Variants in HPD observed in about 807,000 individuals in gnomAD.
HPD encodes the protein 4-hydroxyphenylpyruvate dioxygenase.
In HPD, 35 loss-of-function variants were observed where a neutral mutation model predicts 56.9. The ratio of observed to expected loss-of-function variants is 0.62; its 90% CI spans 0.47 to 0.82. The LOEUF (loss-of-function observed/expected upper bound fraction) is 0.82. Among genes scored for constraint, HPD ranks in the 40% least tolerant of loss-of-function variants. The pLI, the probability that HPD is intolerant of heterozygous loss-of-function variation, is 0.00. For missense variants in HPD, 442 were observed against 506.8 expected, an observed-to-expected ratio of 0.87 and a Z score of 1.23; for synonymous variants, 186 against 200.2, an observed-to-expected ratio of 0.93 and a Z score of 0.60.
upstream of HPD, among the ~76,000 whole-genome samples, chr12:121,867,389 A>G (rs9668191): frequency 0.84 from 127,486 of 151,126 alleles, 53,846 homozygotes; most frequent in Middle Eastern, 0.9. Flanking sequence ...ATCCACGTTG[A>G]TGCTTGCATC....
chr12:121,883,934 G>A, the HPD span, among the ~76,000 whole-genome samples: 14 of 151,910 alleles, frequency 9.2e-5, no homozygotes, highest in African/African-American at 2.9e-4. Flanking sequence ...AAACCATGAC[G>A]CTACACATCT....
At chr12:121,858,764 C>A in intron 1 of HPD, 51 bp from the exon 2 acceptor site, 2 of 1,613,940 alleles carry the variant, frequency 1.2e-6, no homozygotes, top group Non-Finnish European at 1.7e-6. Context: ...ACACAAGGTG[C>A]TTCTGGAAGC....
At chr12:121,857,085 GT>G (rs962185885) in intron 4 of HPD, 424 of 505,558 alleles carry the variant, frequency 8.4e-4, no homozygotes, top group Non-Finnish European at 1.2e-3. Flanking sequence ...GTTGTTTTTT[GT>G]TTTTTTTTGT....
At chr12:121,872,412 G>A in the HPD span, among the ~76,000 whole-genome samples, 341 of 151,740 alleles carry the variant, frequency 2.2e-3, 5 homozygotes, top group African/African-American at 7.9e-3. Flanking sequence ...TGTATTTTTA[G>A]TAGAGACGGG....
At chr12:121,882,265 C>T in the HPD span, among the ~76,000 whole-genome samples, 1 of 151,918 alleles carries the variant, frequency 6.6e-6, no homozygotes, top group Admixed American at 6.6e-5. Flanking sequence ...TGTGGTGGTC[C>T]TCAAGTCAGG....
chr12:121,843,872 A>G (rs760805766), intron 11 of HPD, 40 bp from the exon 12 acceptor site: 4 of 1,613,824 alleles, frequency 2.5e-6, no homozygotes, highest in Non-Finnish European at 1.7e-6. Context: ...TCGGCCTCCA[A>G]GTTCAACTCC....
At chr12:121,888,504 G>C in the HPD span, among the ~76,000 whole-genome samples, 1 of 152,226 alleles carries the variant, frequency 6.6e-6, no homozygotes, top group Non-Finnish European at 1.5e-5. Context: ...GTTCTCTGGC[G>C]TACAGTATCC....
At chr12:121,872,313 G>A in the HPD span, among the ~76,000 whole-genome samples, 79 of 148,750 alleles carry the variant, frequency 5.3e-4, 1 homozygote, top group South Asian at 0.017. Flanking sequence ...TGCAACCTCC[G>A]CCTCCCAGCT....
At chr12:121,879,110 C>A in the HPD span, among the ~76,000 whole-genome samples, 1 of 152,048 alleles carries the variant, frequency 6.6e-6, no homozygotes, top group African/African-American at 2.4e-5. Context: ...CTTGGCGAAG[C>A]TCTGTCGCTA....
At chr12:121,862,327 C>T (rs959207473), upstream of HPD, among the ~76,000 whole-genome samples, 3 of 150,500 alleles carry the variant, frequency 2.0e-5, no homozygotes, top group African/African-American at 4.9e-5. Flanking sequence ...GACGGAGTCT[C>T]GCTCTTGCTG....
intron 12 of HPD, among the ~76,000 whole-genome samples, chr12:121,840,403 C>T (rs542199523): frequency 6.6e-6 from 1 of 152,236 alleles, no homozygotes; most frequent in East Asian, 1.9e-4. Flanking sequence ...CGGGTTCAAG[C>T]GATTCTCCTG....
At chr12:121,883,242 G>A in the HPD span, among the ~76,000 whole-genome samples, 1 of 147,266 alleles carries the variant, frequency 6.8e-6, no homozygotes, top group Non-Finnish European at 1.5e-5. Flanking sequence ...GTGTGGTGGG[G>A]TACAGGGATG....
At chr12:121,855,972 C>A (rs370201271) in intron 6 of HPD, among the ~76,000 whole-genome samples, 398 of 65,148 alleles carry the variant, frequency 6.1e-3, no homozygotes, top group South Asian at 0.011. Flanking sequence ...CTCCGTCTCA[C>A]AAAAAAAAAA....
At position 121,839,822 on chromosome 12, in the gene HPD, T is replaced by A; in HGVS notation, c.1088A>T (p.Asn363Ile). ...GAAAGCCTTGAACAGTGAGTTGAAG[T>A]TGCCGGCTCCAAAACCCTGTGGCGG... Reference protein sequence around the residue: ...RHNHQGFGAGNFNSLFKAFEE... With the variant: ...RHNHQGFGAGIFNSLFKAFEE... Residue 363 changes from asparagine (N) to isoleucine (I), a missense_variant, in exon 14 of 14, where the codon AAC (asparagine) becomes ATC (isoleucine). Coordinates refer to ENST00000289004, the MANE Select transcript of HPD (RefSeq NM_002150.3). 6.2e-7 allele frequency: 1 copy of A among 1,614,144 alleles called. No individual in the cohort carries two copies. The highest frequency in any genetic ancestry group is 8.5e-7 in the Non-Finnish European group (1 of 1,179,988).
chr12:121,842,888 C>T (rs1373678701), intron 12 of HPD, among the ~76,000 whole-genome samples: 5 of 151,802 alleles, frequency 3.3e-5, no homozygotes, highest in Admixed American at 1.3e-4. Flanking sequence ...GCTGGGATTA[C>T]AGGCATGTGT....
chr12:121,881,443 TTGTTTTAGCAGC>T, the HPD span, among the ~76,000 whole-genome samples: 3 of 152,090 alleles, frequency 2.0e-5, no homozygotes, highest in Admixed American at 6.6e-5. Context: ...CTGCCAGACG[TTGTTTTAGCAGC>T]TGTTTTAGCA....
At chr12:121,864,073 C>CAAAAAAA (rs748278452), upstream of HPD, among the ~76,000 whole-genome samples, 11 of 71,286 alleles carry the variant, frequency 1.5e-4, no homozygotes, top group East Asian at 9.5e-4. Context: ...ACTAAAAATA[C>CAAAAAAA]AAAAAAAAAA....
chr12:121,856,700 T>A (rs1304377392), intron 4 of HPD, 75 bp from the exon 5 acceptor site: 3 of 1,416,002 alleles, frequency 2.1e-6, no homozygotes, highest in Non-Finnish European at 3.0e-6. Context: ...GGCCCCTCCC[T>A]GCCGACCCGA....
the HPD span, among the ~76,000 whole-genome samples, chr12:121,877,457 C>T: frequency 2.0e-5 from 3 of 151,774 alleles, no homozygotes; most frequent in South Asian, 2.1e-4. Flanking sequence ...TGAGGTTGGG[C>T]GCGGTGGTTC....
Sources: gnomAD v4.1 joint callset for allele counts (sites outside exome capture counted in the v4.1 genomes callset) on GRCh38, gnomAD v4.1.1 for gene constraint, MANE v1.5 for transcripts, NCBI Gene and HGNC (gene_info 2026-07-23, HGNC 2026-07-21) for gene names.